MAP2: variants seen among roughly 807,000 people sequenced by gnomAD.
MAP2 encodes the protein microtubule-associated protein 2.
In MAP2, 14 loss-of-function variants were observed where a neutral mutation model predicts 137.6. The observed-to-expected ratio is 0.10, with a 90% CI of 0.07 to 0.16. MAP2 has a LOEUF of 0.16. MAP2 is among the 10% of genes least tolerant of loss of function. The pLI is 1.00. For missense variants in MAP2, 2,088 were observed against 2,191.5 expected (o/e 0.95, Z 0.94); for synonymous variants, 786 against 782.3 (o/e 1.00, Z -0.08).
At chr2:209,561,040 T>C (rs78573789) in intron 2 of MAP2, among the ~76,000 whole-genome samples, 3,032 of 152,250 alleles carry the variant, frequency 0.02, 93 homozygotes, top group African/African-American at 0.068. Flanking sequence ...TATATCTTCA[T>C]CTGGACTGTT....
chr2:209,539,961 C>T (rs2066627249), intron 2 of MAP2, among the ~76,000 whole-genome samples: 2 of 146,544 alleles, frequency 1.4e-5, no homozygotes, highest in South Asian at 4.3e-4. Flanking sequence ...AATAGCCAGG[C>T]TTGGTGGCAT....
chr2:209,684,175 A>G (rs913083587), intron 7 of MAP2, among the ~76,000 whole-genome samples: 2 of 152,194 alleles, frequency 1.3e-5, no homozygotes, highest in Admixed American at 6.5e-5. Flanking sequence ...GGACTGAGCT[A>G]TTAGAATTTG....
chr2:209,466,747 A>C (rs1206907859), intron 1 of MAP2, among the ~76,000 whole-genome samples: 1 of 152,222 alleles, frequency 6.6e-6, no homozygotes, highest in Admixed American at 6.5e-5. Context: ...TTTCATAAAT[A>C]GAAGAATTGA....
At chr2:209,627,943 A>C (rs2092565416) in intron 4 of MAP2, among the ~76,000 whole-genome samples, 1 of 152,198 alleles carries the variant, frequency 6.6e-6, no homozygotes, top group South Asian at 2.1e-4. Flanking sequence ...GCAAATGACA[A>C]AATCTTTGCA....
At chr2:209,715,258 A>G (rs1339867079) in intron 13 of MAP2, among the ~76,000 whole-genome samples, 1 of 152,132 alleles carries the variant, frequency 6.6e-6, no homozygotes, top group African/African-American at 2.4e-5. Flanking sequence ...TAAAGAATCA[A>G]TTATGAAATA....
chr2:209,720,660 AAC>A (rs2070249574), intron 13 of MAP2, among the ~76,000 whole-genome samples: 9 of 150,678 alleles, frequency 6.0e-5, no homozygotes, highest in Admixed American at 5.3e-4. Context: ...AAAAAAAAAA[AAC>A]TTGAAATAAA....
intron 3 of MAP2, among the ~76,000 whole-genome samples, chr2:209,624,360 G>A (rs191712112): frequency 5.3e-5 from 8 of 152,240 alleles, no homozygotes; most frequent in Admixed American, 2.0e-4. Context: ...TGTATTGTGC[G>A]TCCTTTGTAG....
intron 7 of MAP2, among the ~76,000 whole-genome samples, chr2:209,687,377 G>T (rs2057359917): frequency 6.6e-6 from 1 of 151,886 alleles, no homozygotes; most frequent in African/African-American, 2.4e-5. Flanking sequence ...CATTTGTTTT[G>T]TAATGCTTTG....
intron 2 of MAP2, among the ~76,000 whole-genome samples, chr2:209,565,407 A>C (rs1359741445): frequency 6.6e-6 from 1 of 151,830 alleles, no homozygotes; most frequent in Admixed American, 6.6e-5. Flanking sequence ...TTTTGTAGAA[A>C]CAGGGTCTCT....
intron 4 of MAP2, among the ~76,000 whole-genome samples, chr2:209,627,921 T>A (rs1444458622): frequency 6.6e-6 from 1 of 152,142 alleles, no homozygotes; most frequent in Non-Finnish European, 1.5e-5. Context: ...ATAATAGGAG[T>A]GAAAATGTTT....
chr2:209,458,908 T>C (rs73984064), intron 1 of MAP2, among the ~76,000 whole-genome samples: 115 of 152,254 alleles, frequency 7.6e-4, no homozygotes, highest in African/African-American at 2.6e-3. Flanking sequence ...ATGATACTTA[T>C]ATGTAGCTTA....
rs1231629085 is a variant in MAP2 at position 209,710,144 on chromosome 2, G to A, written c.4963G>A (p.Ala1655Thr). 6.2e-7 allele frequency: 1 copy of A among 1,613,936 alleles called. No individual in the cohort carries two copies. Among genetic ancestry groups the A allele is most frequent in the East Asian group, 2.2e-5 (1 of 44,862 alleles). Residue 1655 changes from alanine (A) to threonine (T), a missense_variant, in exon 13 of 16, where the codon GCG (alanine) becomes ACG (threonine). This residue lies in a region of MAP2 where 591 missense variants were observed against 642.6 expected (regional missense o/e 0.92). Transcript: ENST00000682079. Reference protein sequence around the residue: ...AIIRTPPKSPATPKQLRLINQ... With the variant: ...AIIRTPPKSPTTPKQLRLINQ... ...CATACGTACTCCTCCAAAATCTCCT[G>A]CGACTCCCAAGCAGCTTCGGCTTAT...
At chr2:209,674,043 C>T (rs2050117725) in intron 5 of MAP2, among the ~76,000 whole-genome samples, 1 of 151,718 alleles carries the variant, frequency 6.6e-6, no homozygotes, top group African/African-American at 2.4e-5. Context: ...ATCCAGGAAA[C>T]TGGGTGTGAA....
intron 1 of MAP2, among the ~76,000 whole-genome samples, chr2:209,449,945 T>C (rs1397115933): frequency 1.3e-5 from 2 of 152,224 alleles, no homozygotes; most frequent in Admixed American, 1.3e-4. Flanking sequence ...TATTCTATTT[T>C]ATTTTATTTA....
At chr2:209,703,452 A>G (rs2062366030) in intron 11 of MAP2, among the ~76,000 whole-genome samples, 1 of 152,118 alleles carries the variant, frequency 6.6e-6, no homozygotes, top group African/African-American at 2.4e-5. Context: ...ATATTGAAAG[A>G]TATTTCCAAA....
At chr2:209,673,065 CAGATTTCACTT>C (rs1279239525) in intron 5 of MAP2, among the ~76,000 whole-genome samples, 2 of 151,814 alleles carry the variant, frequency 1.3e-5, no homozygotes, top group Non-Finnish European at 2.9e-5. Context: ...GTTTTCAAGA[CAGATTTCACTT>C]TTTATCTTCA....
In MAP2 at chr2:209,576,076, T is replaced by C. The variant is rs144830114; in HGVS notation, c.-171-3960T>C. Among the ~76,000 whole-genome samples, 495 of 152,292 alleles carry C rather than the reference T, an allele frequency of 3.3e-3. 7 individuals are homozygous for C. The highest frequency in any genetic ancestry group is 0.02 in the Middle Eastern group (6 of 294). On this transcript the variant is annotated intron_variant, in intron 2 of 15. Coordinates refer to ENST00000682079, the MANE Select transcript of MAP2 (RefSeq NM_001375505.1). ...TATTTAGGGAATGAAATCAAAGTTATTTCAGAAGAGGCACAGGGGTGAATT... is the reference window on the plus strand; with the variant it reads ...TATTTAGGGAATGAAATCAAAGTTACTTCAGAAGAGGCACAGGGGTGAATT...
At chr2:209,663,398 C>T (rs542123701) in intron 5 of MAP2, among the ~76,000 whole-genome samples, 5 of 152,182 alleles carry the variant, frequency 3.3e-5, no homozygotes, top group Admixed American at 6.5e-5. Flanking sequence ...CGTGTCCTGC[C>T]GGCTCACTGT....
chr2:209,460,068 C>G (rs1702403451), intron 1 of MAP2, among the ~76,000 whole-genome samples: 2 of 152,182 alleles, frequency 1.3e-5, no homozygotes, highest in Admixed American at 1.3e-4. Flanking sequence ...TAAAATTTTT[C>G]AACTCAGCAC....
Sources: gnomAD v4.1 joint callset for allele counts (sites outside exome capture counted in the v4.1 genomes callset) on GRCh38, gnomAD v4.1.1 for gene constraint, gnomAD v4.1.1 regional missense constraint, MANE v1.5 for transcripts, NCBI Gene and HGNC (gene_info 2026-07-23, HGNC 2026-07-21) for gene names.